Variants in CTNNA3 observed in about 807,000 individuals in gnomAD.
CTNNA3 encodes the protein catenin alpha-3.
CTNNA3 carries 76 observed loss-of-function variants against 95.7 expected under a neutral mutation model. The observed-to-expected ratio is 0.79, with a 90% CI of 0.66 to 0.96. CTNNA3 has a LOEUF of 0.96. CTNNA3 is among the 40% of genes least tolerant of loss of function. CTNNA3 has a pLI of 0.00. For missense variants in CTNNA3, 1,191 were observed against 1,089.8 expected, an observed-to-expected ratio of 1.09 and a Z score of -1.31; for synonymous variants, 431 against 374.4, an observed-to-expected ratio of 1.15 and a Z score of -1.74.
chr10:66,137,815 T>G (rs899380306), intron 13 of CTNNA3, among the ~76,000 whole-genome samples: 5 of 151,976 alleles, frequency 3.3e-5, no homozygotes. Context: ...GTGGGCATGG[T>G]GGCACGTCCC....
intron 14 of CTNNA3, among the ~76,000 whole-genome samples, chr10:66,074,523 G>C (rs1356822132): frequency 6.6e-6 from 1 of 151,724 alleles, no homozygotes; most frequent in Non-Finnish European, 1.5e-5. Context: ...TTGAGATATT[G>C]CCCATTAATT....
chr10:66,943,868 A>C lies in CTNNA3; in HGVS notation c.1048-168344T>G, dbSNP rs2132692366. Among the ~76,000 whole-genome samples the C allele has an allele frequency of 2.6e-5, 4 of 152,326 alleles. 1 individual carries two copies. Among genetic ancestry groups the C allele is most frequent in the Admixed American group, 2.6e-4 (4 of 15,296 alleles). On this transcript the variant is annotated intron_variant, in intron 7 of 17. Coordinates refer to ENST00000433211, the MANE Select transcript of CTNNA3 (RefSeq NM_013266.4). ...GTGTGCAGTAGCACTATGTCAAAGA[A>C]ACAATGTGCTTATAATTTAAAAATA...
At chr10:67,083,270 G>A (rs1299287436) in intron 7 of CTNNA3, among the ~76,000 whole-genome samples, 1 of 151,902 alleles carries the variant, frequency 6.6e-6, no homozygotes, top group Non-Finnish European at 1.5e-5. Context: ...ACAAATATAA[G>A]CCAAATAGCT....
chr10:65,929,950 G>A (rs752755376), intron 17 of CTNNA3, among the ~76,000 whole-genome samples: 2 of 151,882 alleles, frequency 1.3e-5, no homozygotes, highest in African/African-American at 4.8e-5. Context: ...ATAAAGCTTA[G>A]GACAAATTCT....
intron 7 of CTNNA3, among the ~76,000 whole-genome samples, chr10:67,075,140 G>A (rs545600481): frequency 2.6e-4 from 38 of 148,842 alleles, no homozygotes; most frequent in Non-Finnish European, 5.2e-4. Flanking sequence ...ATACAAATTT[G>A]GTTGTTTTGT....
intron 4 of CTNNA3, among the ~76,000 whole-genome samples, chr10:67,530,352 T>G (rs961979322): frequency 2.0e-5 from 3 of 152,220 alleles, no homozygotes; most frequent in Admixed American, 2.0e-4. Flanking sequence ...AAAATGCTGA[T>G]AAGCATATGC....
At chr10:66,195,852 C>G (rs188888976) in intron 13 of CTNNA3, among the ~76,000 whole-genome samples, 2 of 151,156 alleles carry the variant, frequency 1.3e-5, no homozygotes, top group Non-Finnish European at 2.9e-5. Context: ...CAACATCCTG[C>G]TGGGTGAACA....
At chr10:67,739,777 T>G (rs995471548) in intron 1 of CTNNA3, among the ~76,000 whole-genome samples, 32 of 152,174 alleles carry the variant, frequency 2.1e-4, no homozygotes, top group Non-Finnish European at 2.9e-5. Flanking sequence ...AAGCTGCCAA[T>G]GACTTTCCTC....
chr10:66,721,954 A>G (rs1481946190), intron 9 of CTNNA3, among the ~76,000 whole-genome samples: 1 of 152,212 alleles, frequency 6.6e-6, no homozygotes, highest in Non-Finnish European at 1.5e-5. Flanking sequence ...TGTTCCTGAC[A>G]TTATGTCATG....
At chr10:66,688,027 A>G (rs1330979683) in intron 9 of CTNNA3, among the ~76,000 whole-genome samples, 3 of 152,126 alleles carry the variant, frequency 2.0e-5, no homozygotes, top group Non-Finnish European at 4.4e-5. Flanking sequence ...TTTGAGGGTA[A>G]AAGATCCTAG....
chr10:66,903,045 G>A (rs988722626), intron 7 of CTNNA3, among the ~76,000 whole-genome samples: 9 of 152,154 alleles, frequency 5.9e-5, no homozygotes, highest in Non-Finnish European at 1.3e-4. Flanking sequence ...GCATCATACT[G>A]ATACCAAAGC....
intron 11 of CTNNA3, among the ~76,000 whole-genome samples, chr10:66,488,089 C>T (rs554441956): frequency 3.3e-4 from 50 of 152,242 alleles, no homozygotes; most frequent in Middle Eastern, 3.4e-3. Flanking sequence ...TTCTGCCACC[C>T]CTCCACATAC....
At chr10:67,658,580 T>C (rs1184203452) in intron 1 of CTNNA3, among the ~76,000 whole-genome samples, 2 of 152,160 alleles carry the variant, frequency 1.3e-5, no homozygotes, top group East Asian at 1.9e-4. Context: ...TGTGCACTAA[T>C]TAGAAATGCA....
chr10:66,266,487 G>A (rs1361981533), intron 13 of CTNNA3, among the ~76,000 whole-genome samples: 1 of 151,998 alleles, frequency 6.6e-6, no homozygotes. Context: ...ATATGTTTTT[G>A]CATTTACATC....
At chr10:66,364,624 A>G (rs1443761198) in intron 12 of CTNNA3, among the ~76,000 whole-genome samples, 3 of 152,150 alleles carry the variant, frequency 2.0e-5, no homozygotes, top group Admixed American at 6.6e-5. Flanking sequence ...TTGTAGACAA[A>G]TGAGTCTTAA....
chr10:66,864,426 G>A (rs544050553), intron 7 of CTNNA3, among the ~76,000 whole-genome samples: 1 of 152,142 alleles, frequency 6.6e-6, no homozygotes, highest in East Asian at 1.9e-4. Flanking sequence ...CTCATCAGAG[G>A]ACAGCACCTT....
intron 14 of CTNNA3, among the ~76,000 whole-genome samples, chr10:66,069,823 T>C (rs1056626006): frequency 3.3e-5 from 5 of 152,166 alleles, no homozygotes; most frequent in African/African-American, 9.6e-5. Flanking sequence ...TTTAGTGTAA[T>C]GCATCACCTT....
intron 6 of CTNNA3, among the ~76,000 whole-genome samples, chr10:67,201,281 G>A (rs544770043): frequency 6.6e-6 from 1 of 152,192 alleles, no homozygotes; most frequent in South Asian, 2.1e-4. Context: ...GATATTGTCA[G>A]GCTGCTTAAC....
chr10:65,967,932 CA>C (rs1217632621), intron 16 of CTNNA3, among the ~76,000 whole-genome samples: 7 of 151,836 alleles, frequency 4.6e-5, no homozygotes, highest in African/African-American at 1.7e-4. Flanking sequence ...CTAAATGTCC[CA>C]AAATAATGGA....
Sources: gnomAD v4.1 joint callset for allele counts (sites outside exome capture counted in the v4.1 genomes callset) on GRCh38, gnomAD v4.1.1 for gene constraint, MANE v1.5 for transcripts, NCBI Gene and HGNC (gene_info 2026-07-23, HGNC 2026-07-21) for gene names.